ROPN1L: variants seen among roughly 807,000 people sequenced by gnomAD.
ROPN1L encodes rhophilin associated tail protein 1 like.
In ROPN1L, 23 loss-of-function variants were observed where a neutral mutation model predicts 22.7. That is an observed-to-expected ratio of 1.01 (90% CI 0.73 to 1.43). The LOEUF (loss-of-function observed/expected upper bound fraction) is 1.43, where lower values mean the gene tolerates loss of function less well. Among genes scored for constraint, ROPN1L ranks in the 40% most tolerant of loss-of-function variants. The pLI, the probability that ROPN1L is intolerant of heterozygous loss-of-function variation, is 0.00. For synonymous variants in ROPN1L, 116 were observed against 117.8 expected (o/e 0.98, Z 0.10); for missense variants, 271 against 291.5 (o/e 0.93, Z 0.51).
downstream of ROPN1L, among the ~76,000 whole-genome samples, chr5:10,468,639 C>T (rs1487707760): frequency 6.6e-6 from 1 of 152,172 alleles, no homozygotes; most frequent in Non-Finnish European, 1.5e-5. Context: ...ATAAAATAAA[C>T]TGTTCAGGTG....
the ROPN1L span, chr5:10,479,347 AT>A: frequency 6.6e-6 from 1 of 152,208 alleles, no homozygotes. Flanking sequence ...TGTGATGACT[AT>A]TCTCTTTCAA....
Position 10,461,197 on chromosome 5 carries a change from C to A in ROPN1L, c.431C>A (p.Ala144Glu). The A allele has an allele frequency of 6.2e-7, 1 of 1,613,490 alleles. No individual in the cohort carries two copies. The highest frequency in any genetic ancestry group is 8.5e-7 in the Non-Finnish European group (1 of 1,179,830). The change falls in exon 4 of 5, where the codon GCG becomes GAG. Residue 144 changes from alanine to glutamate, a missense_variant. Physicochemically the swap from Ala to Glu is moderately radical, Grantham distance 107 (BLOSUM62 -1). Transcript: ENST00000274134. ...CSMLGGSLNT[A>E]LKHLCEILTD... ...TGGTGCTCCCAGTCCTTGAACACTG[C>A]GCTGAAGCACCTGTGCGAGATCCTC...
chr5:10,452,321 G>C (rs1166680865), intron 3 of ROPN1L, among the ~76,000 whole-genome samples: 2 of 142,192 alleles, frequency 1.4e-5, no homozygotes, highest in East Asian at 2.0e-4. Context: ...GTGTCTGTGT[G>C]TGTGTGTGTG....
At chr5:10,476,202 G>A (rs1302696981), downstream of ROPN1L, among the ~76,000 whole-genome samples, 3 of 152,236 alleles carry the variant, frequency 2.0e-5, no homozygotes, top group Non-Finnish European at 4.4e-5. Context: ...AAGTGAGAGC[G>A]TGTTGAGGGG....
At chr5:10,449,816 C>T (rs1299580091) in intron 2 of ROPN1L, 136 bp from the exon 3 acceptor site, 1 of 657,500 alleles carries the variant, frequency 1.5e-6, no homozygotes, top group East Asian at 3.0e-5. Context: ...GCTGACAGAA[C>T]CCCCTGTCAT....
intron 1 of ROPN1L, among the ~76,000 whole-genome samples, chr5:10,445,959 A>G (rs886437545): frequency 6.6e-6 from 1 of 152,210 alleles, no homozygotes; most frequent in African/African-American, 2.4e-5. Context: ...AGATGAAGCA[A>G]GTAGGCATTC....
chr5:10,478,009 C>G, the ROPN1L span: 1 of 152,256 alleles, frequency 6.6e-6, no homozygotes, highest in African/African-American at 2.4e-5. Flanking sequence ...GCGAGCACAT[C>G]AGGCACACTC....
intron 2 of ROPN1L, among the ~76,000 whole-genome samples, chr5:10,449,538 A>G (rs1741187048): frequency 6.6e-6 from 1 of 152,188 alleles, no homozygotes. Context: ...ATAAATATAT[A>G]ATAGAAGAAA....
At chr5:10,471,546 A>G (rs1156243375) in intron 4 of ROPN1L, among the ~76,000 whole-genome samples, 1 of 152,176 alleles carries the variant, frequency 6.6e-6, no homozygotes, top group African/African-American at 2.4e-5. Context: ...ACTGCTTACT[A>G]AGATATGGGG....
chr5:10,460,668 AGGACAGAGCCC>A (rs1281356000), intron 3 of ROPN1L, among the ~76,000 whole-genome samples: 1 of 152,194 alleles, frequency 6.6e-6, no homozygotes, highest in Non-Finnish European at 1.5e-5. Flanking sequence ...GGAGAGAGCC[AGGACAGAGCCC>A]GGACAGAGCC....
At chr5:10,453,576 TA>T (rs1164880904) in intron 3 of ROPN1L, among the ~76,000 whole-genome samples, 3 of 152,238 alleles carry the variant, frequency 2.0e-5, no homozygotes, top group Non-Finnish European at 2.9e-5. Flanking sequence ...TGCAGAAGTT[TA>T]TTTCACATAG....
intron 3 of ROPN1L, among the ~76,000 whole-genome samples, chr5:10,454,707 G>A (rs923149676): frequency 6.6e-6 from 1 of 152,188 alleles, no homozygotes; most frequent in African/African-American, 2.4e-5. Context: ...CGTGTCTAAC[G>A]CAGTTTTCCA....
intron 3 of ROPN1L, among the ~76,000 whole-genome samples, chr5:10,451,330 C>G (rs1435289469): frequency 6.6e-6 from 1 of 152,220 alleles, no homozygotes; most frequent in Admixed American, 6.5e-5. Context: ...TTCCAACCAC[C>G]TGTGGCCTCC....
At chr5:10,457,626 T>C (rs1460392259) in intron 3 of ROPN1L, among the ~76,000 whole-genome samples, 4 of 152,224 alleles carry the variant, frequency 2.6e-5, no homozygotes, top group Admixed American at 2.6e-4. Flanking sequence ...GGCTGTGTTA[T>C]CAGCCTTGCT....
intron 2 of ROPN1L, 150 bp downstream of exon 2, chr5:10,448,533 G>A (rs968966586): frequency 2.7e-5 from 24 of 885,274 alleles, no homozygotes; most frequent in Admixed American, 8.9e-5. Flanking sequence ...GCCACGCATC[G>A]TCAAGGTTGA....
At chr5:10,473,788 C>T (rs936683823), downstream of ROPN1L, among the ~76,000 whole-genome samples, 6 of 152,204 alleles carry the variant, frequency 3.9e-5, no homozygotes, top group South Asian at 2.1e-4. Flanking sequence ...AGTTGAAGAA[C>T]TGAAAGAATC....
intron 1 of ROPN1L, among the ~76,000 whole-genome samples, chr5:10,445,692 G>A (rs112443101): frequency 2.0e-5 from 3 of 152,316 alleles, no homozygotes; most frequent in African/African-American, 7.2e-5. Flanking sequence ...TTGGGAGGAC[G>A]AGGCGGACAG....
chr5:10,441,994 G>A lies in ROPN1L; in HGVS notation c.-174G>A, dbSNP rs112014572. ...GGTCCGAATTTCTCCCGAAGCCCGC[G>A]GAGGAGCGGGTAAGAGCCCCGCGAA... On this transcript the variant is annotated 5_prime_UTR_variant, in exon 1 of 5. Coordinates refer to ENST00000274134, the MANE Select transcript of ROPN1L (RefSeq NM_031916.5). The A allele has an allele frequency of 8.0e-4, 637 of 794,944 alleles. 6 individuals are homozygous for A. The African/African-American group carries it at 9.8e-3, about 12-fold the overall frequency. 49.2% of individuals were successfully genotyped at this position (794,944 alleles called of 1,614,324 possible).
intron 1 of ROPN1L, among the ~76,000 whole-genome samples, chr5:10,447,071 T>C (rs563571152): frequency 3.3e-5 from 5 of 152,236 alleles, no homozygotes; most frequent in Non-Finnish European, 7.3e-5. Flanking sequence ...TATCGACTTA[T>C]CCATATTTAT....
Sources: gnomAD v4.1 joint callset for allele counts (sites outside exome capture counted in the v4.1 genomes callset) on GRCh38, gnomAD v4.1.1 for gene constraint, MANE v1.5 for transcripts, NCBI Gene and HGNC (gene_info 2026-07-23, HGNC 2026-07-21) for gene names.